FAM135A: variants seen among roughly 807,000 people sequenced by gnomAD.
FAM135A encodes the protein protein FAM135A.
FAM135A carries 79 observed loss-of-function variants against 146.8 expected under a neutral mutation model. The ratio of observed to expected loss-of-function variants is 0.54; its 90% CI spans 0.45 to 0.65. The LOEUF (loss-of-function observed/expected upper bound fraction) is 0.65. Among genes scored for constraint, FAM135A ranks in the 30% least tolerant of loss-of-function variants. The pLI is 0.00. For missense variants in FAM135A, 1,623 were observed against 1,758.2 expected, an observed-to-expected ratio of 0.92 and a Z score of 1.38; for synonymous variants, 562 against 603.6, an observed-to-expected ratio of 0.93 and a Z score of 1.01.
intron 11 of FAM135A, among the ~76,000 whole-genome samples, chr6:70,491,873 C>T (rs1440594625): frequency 6.6e-6 from 1 of 151,672 alleles, no homozygotes; most frequent in African/African-American, 2.4e-5. Flanking sequence ...AATATGAAAT[C>T]ATCTGCAGTG....
At chr6:70,528,503 C>A in intron 16 of FAM135A, 51 bp downstream of exon 16, 2 of 1,381,306 alleles carry the variant, frequency 1.4e-6, no homozygotes, top group Non-Finnish European at 1.9e-6. Context: ...TATTTTTTTC[C>A]TAATAGATCT....
At chr6:70,471,543 A>T (rs1270976642) in intron 5 of FAM135A, among the ~76,000 whole-genome samples, 1 of 151,904 alleles carries the variant, frequency 6.6e-6, no homozygotes, top group Non-Finnish European at 1.5e-5. Flanking sequence ...GGGGAATGAC[A>T]CACCCTGGGG....
At chr6:70,489,949 G>A (rs1474714572) in intron 10 of FAM135A, among the ~76,000 whole-genome samples, 1 of 152,082 alleles carries the variant, frequency 6.6e-6, no homozygotes, top group Admixed American at 6.6e-5. Flanking sequence ...GTCAGTGGGC[G>A]ACATCTCCAG....
rs1006894789 is a variant in FAM135A, at chr6:70,557,192, A to G, written c.4342+329A>G. The G allele has an allele frequency of 9.7e-5, 39 of 401,006 alleles. No homozygotes were observed. In the Admixed American group the frequency reaches 1.1e-3, roughly 11 times the overall value. 24.8% of individuals were successfully genotyped at this position (401,006 alleles called of 1,614,324 possible). A position where few individuals can be genotyped will look rare whatever the true frequency, so the allele number is the denominator to read the frequency against. On this transcript the variant is annotated intron_variant, in intron 21 of 21. Transcript: ENST00000418814. ...GTTCTGCTGTACCTCGCTTTTACGC[A>G]AAGGTGGCAGCAAGGATTTGCCCCT...
intron 7 of FAM135A, among the ~76,000 whole-genome samples, chr6:70,476,851 A>G (rs1782710844): frequency 6.6e-6 from 1 of 152,036 alleles, no homozygotes; most frequent in African/African-American, 2.4e-5. Flanking sequence ...AGTATTCTCT[A>G]TGGGGTAAAA....
intron 10 of FAM135A, chr6:70,486,022 C>T: frequency 1.8e-6 from 1 of 541,190 alleles, no homozygotes; most frequent in Non-Finnish European, 3.2e-6. Context: ...CTTGAATGTA[C>T]ATCATTTGTA....
intron 4 of FAM135A, among the ~76,000 whole-genome samples, chr6:70,443,624 GT>G (rs1309871860): frequency 6.6e-6 from 1 of 152,238 alleles, no homozygotes; most frequent in African/African-American, 2.4e-5. Flanking sequence ...CAGTCTGATA[GT>G]TGAGAATGGA....
At chr6:70,462,264 A>C (rs1293701177) in intron 5 of FAM135A, among the ~76,000 whole-genome samples, 1 of 152,170 alleles carries the variant, frequency 6.6e-6, no homozygotes, top group Non-Finnish European at 1.5e-5. Context: ...CATATGTTTG[A>C]AATAGTTTAT....
intron 5 of FAM135A, among the ~76,000 whole-genome samples, chr6:70,463,591 A>G (rs933942476): frequency 2.0e-5 from 3 of 152,086 alleles, no homozygotes; most frequent in African/African-American, 7.2e-5. Flanking sequence ...CTTTTAGCTT[A>G]TGTTGTTATA....
chr6:70,526,779 AC>A, intron 15 of FAM135A, 81 bp downstream of exon 15: 4 of 745,654 alleles, frequency 5.4e-6, no homozygotes, highest in Non-Finnish European at 6.2e-6. Context: ...ACACACACAC[AC>A]ACACACACAC....
chr6:70,559,783 G>T lies in FAM135A; in HGVS notation c.4410G>T (p.Leu1470Phe), dbSNP rs376246225. 6.2e-7 allele frequency: 1 copy of T among 1,614,062 alleles called. No individual in the cohort carries two copies. The highest frequency in any genetic ancestry group is 8.5e-7 in the Non-Finnish European group (1 of 1,179,996). The change falls in exon 22 of 22, where the codon TTG (leucine) becomes TTT (phenylalanine). Residue 1470 changes from leucine (L) to phenylalanine (F), a missense_variant. Physicochemically the swap from Leu to Phe is conservative, Grantham distance 22 (BLOSUM62 0). This residue lies in a region of FAM135A where 138 missense variants were observed against 174.1 expected (regional missense o/e 0.79). Coordinates refer to ENST00000418814, the MANE Select transcript of FAM135A (RefSeq NM_001162529.3). The part of the protein sequence containing the change: ...RPVLQSKDCN[L>F]VRYNVINALP... ...TTCTGCAAAGCAAGGACTGTAATTT[G>T]GTTCGCTATAATGTCATCAATGCAT...
At chr6:70,528,482 G>A (rs762083635) in intron 16 of FAM135A, 30 bp downstream of exon 16, 10 of 1,463,132 alleles carry the variant, frequency 6.8e-6, no homozygotes, top group Admixed American at 4.9e-5. Flanking sequence ...GTAACCCAGA[G>A]CAACTCAATA....
intron 17 of FAM135A, among the ~76,000 whole-genome samples, chr6:70,533,520 A>G (rs1450256666): frequency 6.6e-6 from 1 of 152,196 alleles, no homozygotes; most frequent in Non-Finnish European, 1.5e-5. Context: ...TCATACTGGT[A>G]GTGAGCTAAA....
intron 11 of FAM135A, among the ~76,000 whole-genome samples, chr6:70,493,384 A>C (rs1393836903): frequency 6.6e-6 from 1 of 152,194 alleles, no homozygotes; most frequent in Non-Finnish European, 1.5e-5. Context: ...AATTTTCTTT[A>C]CATGCGTCTA....
At chr6:70,499,394 C>G (rs181071496) in intron 11 of FAM135A, among the ~76,000 whole-genome samples, 4 of 152,210 alleles carry the variant, frequency 2.6e-5, no homozygotes, top group Admixed American at 2.6e-4. Context: ...TGAGATGGGT[C>G]TCTTGAATAC....
intron 5 of FAM135A, among the ~76,000 whole-genome samples, chr6:70,455,977 A>C (rs1193239586): frequency 6.6e-6 from 1 of 152,040 alleles, no homozygotes; most frequent in Admixed American, 6.6e-5. Flanking sequence ...TCAGCCTCCC[A>C]AGTAGCTGGG....
chr6:70,504,523 C>T (rs767625788), intron 12 of FAM135A: 7 of 151,936 alleles, frequency 4.6e-5, no homozygotes, highest in East Asian at 1.9e-4. Flanking sequence ...ATATGTGGAT[C>T]GGTGTAAAAG....
chr6:70,475,831 A>G (rs767185932), intron 7 of FAM135A, 98 bp downstream of exon 7: 113 of 949,286 alleles, frequency 1.2e-4, no homozygotes, highest in Admixed American at 1.6e-4. Flanking sequence ...TCCTATCCCT[A>G]TCTTGTCTTG....
At chr6:70,477,025 G>T in intron 7 of FAM135A, 134 bp from the exon 8 acceptor site, 1 of 866,032 alleles carries the variant, frequency 1.2e-6, no homozygotes, top group Non-Finnish European at 1.7e-6. Context: ...CAACTTTGAT[G>T]CTTTAAAAAT....
Sources: gnomAD v4.1 joint callset for allele counts (sites outside exome capture counted in the v4.1 genomes callset) on GRCh38, gnomAD v4.1.1 for gene constraint, gnomAD v4.1.1 regional missense constraint, MANE v1.5 for transcripts, NCBI Gene and HGNC (gene_info 2026-07-23, HGNC 2026-07-21) for gene names.